Variants in UBASH3B observed in about 807,000 individuals in gnomAD.
UBASH3B encodes ubiquitin-associated and SH3 domain-containing protein B.
In UBASH3B, 37 loss-of-function variants were observed where a neutral mutation model predicts 83.4. The ratio of observed to expected loss-of-function variants is 0.44; its 90% CI spans 0.34 to 0.58. The LOEUF (loss-of-function observed/expected upper bound fraction) is 0.58. Ranked by LOEUF, UBASH3B falls within the 20% of genes least tolerant of loss-of-function variation. The pLI is 0.01. For synonymous variants in UBASH3B, 304 were observed against 318.3 expected (o/e 0.96, Z 0.48); for missense variants, 657 against 827.2 (o/e 0.79, Z 2.52).
intron 1 of UBASH3B, among the ~76,000 whole-genome samples, chr11:122,666,347 G>A (rs534148819): frequency 1.3e-5 from 2 of 152,162 alleles, no homozygotes; most frequent in Non-Finnish European, 2.9e-5. Context: ...CATGTGGAAC[G>A]ATGCAGGGTC....
intron 1 of UBASH3B, among the ~76,000 whole-genome samples, chr11:122,715,183 G>A (rs955327025): frequency 6.6e-6 from 1 of 152,162 alleles, no homozygotes; most frequent in African/African-American, 2.4e-5. Flanking sequence ...CTGACCTCGT[G>A]ATCCGCCCGC....
intron 5 of UBASH3B, among the ~76,000 whole-genome samples, 160 bp from the exon 6 acceptor site, chr11:122,788,940 A>G (rs1861002810): frequency 6.6e-6 from 1 of 152,212 alleles, no homozygotes; most frequent in South Asian, 2.1e-4. Flanking sequence ...GCTCTCTGAT[A>G]GGAATTCACA....
chr11:122,780,601 C>T (rs1198885010), intron 4 of UBASH3B, among the ~76,000 whole-genome samples: 1 of 152,222 alleles, frequency 6.6e-6, no homozygotes, highest in African/African-American at 2.4e-5. Context: ...TTTCTCCCGG[C>T]CAGGCCCTGT....
At chr11:122,767,830 G>A (rs1860576424) in intron 1 of UBASH3B, among the ~76,000 whole-genome samples, 1 of 152,180 alleles carries the variant, frequency 6.6e-6, no homozygotes, top group African/African-American at 2.4e-5. Context: ...AGGCAGGGTG[G>A]GCAAGAATGT....
chr11:122,670,786 G>A (rs949392021), intron 1 of UBASH3B, among the ~76,000 whole-genome samples: 1 of 151,908 alleles, frequency 6.6e-6, no homozygotes, highest in Non-Finnish European at 1.5e-5. Context: ...TTTATTTATC[G>A]AGACTGAGCT....
Position 122,671,217 on chromosome 11 carries a change from C to G in UBASH3B, c.161+15007C>G, listed in dbSNP as rs73613018. The stretch of plus-strand genomic sequence containing the variant: ...TCTGCCTGGCCTCGCAAGTTCAGAG[C>G]TGCTGCCTTGTCAAGAAAAATCCAT... On this transcript the variant is annotated intron_variant, in intron 1 of 13. Coordinates refer to ENST00000284273, the MANE Select transcript of UBASH3B (RefSeq NM_032873.5). Among the ~76,000 whole-genome samples the G allele has an allele frequency of 9.8e-3, 1,493 of 152,302 alleles. 19 individuals carry two copies. The highest frequency in any genetic ancestry group is 0.034 in the African/African-American group (1,428 of 41,574).
chr11:122,697,985 C>T (rs1489104173), intron 1 of UBASH3B, among the ~76,000 whole-genome samples: 1 of 152,116 alleles, frequency 6.6e-6, no homozygotes, highest in East Asian at 1.9e-4. Context: ...AGGAAACTTG[C>T]CGAAAGTTGC....
At chr11:122,787,240 C>T (rs1230842112) in intron 5 of UBASH3B, among the ~76,000 whole-genome samples, 1 of 152,140 alleles carries the variant, frequency 6.6e-6, no homozygotes, top group East Asian at 1.9e-4. Flanking sequence ...TATGAGATTT[C>T]GCGTGAATTG....
intron 1 of UBASH3B, among the ~76,000 whole-genome samples, chr11:122,744,873 CTG>C (rs544992534): frequency 1.7e-4 from 24 of 139,522 alleles, no homozygotes; most frequent in East Asian, 1.4e-3. Context: ...ATGTGTGACT[CTG>C]TGTGTGTGTG....
chr11:122,753,149 A>T (rs1247326585), intron 1 of UBASH3B, among the ~76,000 whole-genome samples: 9 of 151,950 alleles, frequency 5.9e-5, no homozygotes, highest in African/African-American at 1.9e-4. Context: ...AAAAAAAAAA[A>T]ACTCGAGTTT....
At chr11:122,666,490 C>T (rs1863521455) in intron 1 of UBASH3B, among the ~76,000 whole-genome samples, 1 of 152,088 alleles carries the variant, frequency 6.6e-6, no homozygotes, top group Admixed American at 6.6e-5. Flanking sequence ...ACGATCTCGG[C>T]TCACTGCAAC....
In UBASH3B at chr11:122,779,655, G is replaced by A; in HGVS notation, c.561G>A (p.Lys187=). Residue 187 remains lysine, a synonymous_variant, in exon 4 of 14, where the codon AAG becomes AAA. Transcript: ENST00000284273. The part of the protein sequence containing the change: ...VKEDSAEVLK[K]FAADFAAEAA... ...AAGACAGTGCGGAGGTCCTCAAGAA[G>A]TTTGCTGCTGACTTTGCTGCAGAGG... 6.2e-7 allele frequency: 1 copy of A among 1,614,212 alleles called. No homozygotes were observed. The highest frequency in any genetic ancestry group is 8.5e-7 in the Non-Finnish European group (1 of 1,180,046).
chr11:122,783,348 G>A (rs2156801), intron 5 of UBASH3B, 126 bp downstream of exon 5: 701,842 of 1,125,766 alleles, frequency 0.62, 227,066 homozygotes, highest in Non-Finnish European at 0.67. Context: ...CAGAGAGTCC[G>A]TTGGCTCAGG....
chr11:122,726,970 A>G (rs996550362), intron 1 of UBASH3B, among the ~76,000 whole-genome samples: 1 of 152,240 alleles, frequency 6.6e-6, no homozygotes, highest in Non-Finnish European at 1.5e-5. Context: ...ATGGTTTCTC[A>G]GCAAAATACT....
rs369880317 is a variant in UBASH3B at position 122,754,880 on chromosome 11, G to A, written c.162-21339G>A. ...GGACTTGCCCAAGGTCATACCGCTA[G>A]TGACAGAGCAGGACTAGACCCCTGA... On this transcript the variant is annotated intron_variant, in intron 1 of 13. Transcript: ENST00000284273. Among the ~76,000 whole-genome samples the A allele has an allele frequency of 1.3e-4, 20 of 152,296 alleles. No individual in the cohort carries two copies. The East Asian group carries it at 3.3e-3, about 25-fold the overall frequency.
At chr11:122,808,393 C>T (rs1033830642) in intron 13 of UBASH3B, among the ~76,000 whole-genome samples, 4 of 152,246 alleles carry the variant, frequency 2.6e-5, no homozygotes, top group African/African-American at 9.6e-5. Flanking sequence ...CTAGTTCTAG[C>T]TTCTAAGAGC....
At chr11:122,686,167 AGTC>A (rs1430265439) in intron 1 of UBASH3B, among the ~76,000 whole-genome samples, 8 of 152,322 alleles carry the variant, frequency 5.3e-5, no homozygotes, top group African/African-American at 1.9e-4. Context: ...AGTGGTTTGG[AGTC>A]CTTTGGGGAA....
At chr11:122,776,343 G>A in intron 2 of UBASH3B, 71 bp downstream of exon 2, 2 of 1,418,582 alleles carry the variant, frequency 1.4e-6, no homozygotes, top group Non-Finnish European at 9.7e-7. Flanking sequence ...TGAGTGGGGA[G>A]GTGCAGACTT....
intron 1 of UBASH3B, among the ~76,000 whole-genome samples, chr11:122,691,415 GA>G (rs775226356): frequency 2.0e-5 from 3 of 152,182 alleles, no homozygotes; most frequent in Admixed American, 6.5e-5. Context: ...CAAACTAGAG[GA>G]AACTGGCCTT....
Sources: gnomAD v4.1 joint callset for allele counts (sites outside exome capture counted in the v4.1 genomes callset) on GRCh38, gnomAD v4.1.1 for gene constraint, MANE v1.5 for transcripts, NCBI Gene and HGNC (gene_info 2026-07-23, HGNC 2026-07-21) for gene names.